Variants in CLSPN observed in about 807,000 individuals in gnomAD.
CLSPN encodes the protein claspin homolog.
CLSPN carries 85 observed loss-of-function variants against 156.3 expected under a neutral mutation model. That is an observed-to-expected ratio of 0.54 (90% CI 0.46 to 0.65). CLSPN has a LOEUF of 0.65. Ranked by LOEUF, CLSPN falls within the 30% of genes least tolerant of loss-of-function variation. CLSPN has a pLI of 0.00. For missense variants in CLSPN, 1,407 were observed against 1,554.9 expected, an observed-to-expected ratio of 0.90 and a Z score of 1.60; for synonymous variants, 534 against 542.4, an observed-to-expected ratio of 0.98 and a Z score of 0.22.
At position 35,769,928 on chromosome 1, in the gene CLSPN, G is replaced by A; in HGVS notation, c.-58C>T. 1 of 1,589,768 alleles carries A rather than the reference G, an allele frequency of 6.3e-7. No homozygotes were observed. Among genetic ancestry groups the A allele is most frequent in the East Asian group, 2.3e-5 (1 of 43,672 alleles). On this transcript the variant is annotated 5_prime_UTR_variant, in exon 1 of 25. Coordinates refer to ENST00000318121, the MANE Select transcript of CLSPN (RefSeq NM_022111.4). ...GGAGCTGTCTCTGATTCCCTCAGCC[G>A]GAGAGCAGCGGCTCCCGCCGTCTCC...
chr1:35,735,159 T>G lies in CLSPN; in HGVS notation c.*1337A>C, dbSNP rs1486506795. On this transcript the variant is annotated 3_prime_UTR_variant, in exon 25 of 25. Transcript: ENST00000318121. ...AACAACAGTGCTTCAAATTGAGAAT[T>G]CAGTCCCAGGAAGGGTCTCTCTGCC... 7 of 985,312 alleles carry G rather than the reference T, an allele frequency of 7.1e-6. No individual in the cohort carries two copies. The African/African-American group carries it at 1.2e-4, about 17-fold the overall frequency. The allele number at this position is 985,312 out of a possible 1,614,324, so 61.0% of individuals were successfully genotyped here.
chr1:35,733,910 T>C lies in CLSPN; in HGVS notation c.*2586A>G, dbSNP rs944791632. The C allele has an allele frequency of 1.4e-5, 11 of 770,274 alleles. No individual in the cohort carries two copies. The highest frequency in any genetic ancestry group is 5.7e-5 in the African/African-American group (3 of 52,770). 47.7% of individuals were successfully genotyped at this position (770,274 alleles called of 1,614,324 possible). On this transcript the variant is annotated 3_prime_UTR_variant, in exon 25 of 25. Transcript: ENST00000318121. Reference sequence around the variant, plus strand: ...GAAGGAGGATGCTGAAGCCCAGGAGTTCAAGGGTACAGTGAGCTATGATTG... The same window carrying C: ...GAAGGAGGATGCTGAAGCCCAGGAGCTCAAGGGTACAGTGAGCTATGATTG...
Position 35,760,389 on chromosome 1 carries a change from C to G in CLSPN, c.1532G>C (p.Gly511Ala), listed in dbSNP as rs750930369. 3 of 1,614,144 alleles carry G rather than the reference C, an allele frequency of 1.9e-6. No individual in the cohort carries two copies. The highest frequency in any genetic ancestry group is 2.5e-6 in the Non-Finnish European group (3 of 1,180,010). ...GVDVSIKPRLGADEDSFVILE... is the reference protein window; with the variant it reads ...GVDVSIKPRLAADEDSFVILE... Reference sequence around the variant, plus strand: ...TATCACAAAGGAATCTTCATCAGCACCTAGCCGTGGTTTAATGGAAACATC... The same window carrying G: ...TATCACAAAGGAATCTTCATCAGCAGCTAGCCGTGGTTTAATGGAAACATC... The change falls in exon 8 of 25, where the codon GGT becomes GCT. Residue 511 changes from glycine (G) to alanine (A), a missense_variant. Gly to Ala is a moderately conservative substitution (Grantham distance 60, BLOSUM62 0). Around this residue, in one of 3 missense-constraint regions of CLSPN, gnomAD observed 1,096 missense variants for 1,193.0 expected, o/e 0.92. Coordinates refer to ENST00000318121, the MANE Select transcript of CLSPN (RefSeq NM_022111.4).
Position 35,736,323 on chromosome 1 carries a change from G to C in CLSPN, c.*173C>G, listed in dbSNP as rs996261073. On this transcript the variant is annotated 3_prime_UTR_variant, in exon 25 of 25. Coordinates refer to ENST00000318121, the MANE Select transcript of CLSPN (RefSeq NM_022111.4). ...GTGGCCAATTCAGGGAATAATACTAGGAAAAGAGATGTCCAGAGCTGTGCA... is the reference window on the plus strand; with the variant it reads ...GTGGCCAATTCAGGGAATAATACTACGAAAAGAGATGTCCAGAGCTGTGCA... 2 of 1,243,582 alleles carry C rather than the reference G, an allele frequency of 1.6e-6. No individual in the cohort carries two copies. The highest frequency in any genetic ancestry group is 2.0e-6 in the Non-Finnish European group (2 of 993,078). 77.0% of individuals were successfully genotyped at this position (1,243,582 alleles called of 1,614,324 possible).
At chr1:35,737,179 T>C in intron 23 of CLSPN, 104 bp from the exon 24 acceptor site, 1 of 1,277,356 alleles carries the variant, frequency 7.8e-7, no homozygotes. Context: ...TACATATGCC[T>C]ACCCTATTCA....
Position 35,748,312 on chromosome 1 carries a change from A to G in CLSPN, c.2472+93T>C. 3 of 1,218,064 alleles carry G rather than the reference A, an allele frequency of 2.5e-6. No homozygotes were observed. The South Asian group carries it at 3.8e-5, about 15-fold the overall frequency. The allele number at this position is 1,218,064 out of a possible 1,614,324, so 75.5% of individuals were successfully genotyped here. On this transcript the variant is annotated intron_variant, in intron 13 of 24. Transcript: ENST00000318121. The stretch of plus-strand genomic sequence containing the variant: ...ACTGAACACACATAAGCTCAGTACC[A>G]ACGTGGTGGGAGTTGGTTGGCTGGG...
rs1047606249 is a variant in CLSPN at position 35,740,487 on chromosome 1, C to T, written c.3144-958G>A. 3.3e-5 allele frequency among the ~76,000 whole-genome samples: 5 copies of T among 151,676 alleles called. 1 individual carries two copies. The South Asian group carries it at 1.0e-3, about 32-fold the overall frequency. ...AGGCTGGAGTGCAGAGATGCCATCT[C>T]GGCTCACTGCAACCTCCACCTCCTG... is the stretch of plus-strand genomic sequence containing the variant. On this transcript the variant is annotated intron_variant, in intron 18 of 24. Transcript: ENST00000318121.
intron 8 of CLSPN, among the ~76,000 whole-genome samples, chr1:35,757,337 G>T (rs940069333): frequency 1.3e-5 from 2 of 152,178 alleles, no homozygotes; most frequent in African/African-American, 2.4e-5. Context: ...CTAAATAAAA[G>T]TTTATTGCAT....
At chr1:35,726,627 A>G (rs1479807315) in intron 24 of CLSPN, among the ~76,000 whole-genome samples, 1 of 152,212 alleles carries the variant, frequency 6.6e-6, no homozygotes, top group Non-Finnish European at 1.5e-5. Flanking sequence ...CCGTTAGCAG[A>G]ACAGGGAGAG....
rs754340721 is a variant in CLSPN at position 35,753,955 on chromosome 1, C to G, written c.1580-19G>C. On this transcript the variant is annotated intron_variant, in intron 8 of 24. Coordinates refer to ENST00000318121, the MANE Select transcript of CLSPN (RefSeq NM_022111.4). Reference sequence around the variant, plus strand: ...TCCAGTTCTAAACCCAAACGCCAACCAGTGTGTCAGTTTGCCATGCTCAAA... The same window carrying G: ...TCCAGTTCTAAACCCAAACGCCAACGAGTGTGTCAGTTTGCCATGCTCAAA... 11 of 1,610,816 alleles carry G rather than the reference C, an allele frequency of 6.8e-6. No individual in the cohort carries two copies. The highest frequency in any genetic ancestry group is 3.3e-5 in the South Asian group (3 of 90,938).
downstream of CLSPN, among the ~76,000 whole-genome samples, chr1:35,730,782 C>T (rs1181756584): frequency 3.3e-5 from 5 of 151,706 alleles, no homozygotes; most frequent in East Asian, 1.9e-4. Context: ...ATTGCTTGAA[C>T]GGGGGAGACA....
chr1:35,720,703 C>T (rs1456301335), exon 25 of CLSPN: 3 of 389,914 alleles, frequency 7.7e-6, no homozygotes, highest in African/African-American at 2.1e-5. Context: ...ACCTCGGCCT[C>T]CCAAAGTGCT....
At chr1:35,760,241 T>A in intron 8 of CLSPN, 101 bp downstream of exon 8, 1 of 876,438 alleles carries the variant, frequency 1.1e-6, no homozygotes, top group Non-Finnish European at 1.7e-6. Flanking sequence ...ATCAAAGTGG[T>A]TATTGGTTCC....
chr1:35,720,990 A>G, intron 24 of CLSPN: 1 of 1,587,422 alleles, frequency 6.3e-7, no homozygotes, highest in African/African-American at 1.3e-5. Context: ...TCTGAAACGA[A>G]ATTAAAGGAA....
Position 35,736,396 on chromosome 1 carries a change from G to T in CLSPN, c.*100C>A. 1 of 1,460,018 alleles carries T rather than the reference G, an allele frequency of 6.8e-7. No individual in the cohort carries two copies. The highest frequency in any genetic ancestry group is 2.4e-5 in the East Asian group (1 of 41,536). 90.4% of individuals were successfully genotyped at this position (1,460,018 alleles called of 1,614,324 possible). A position where few individuals can be genotyped will look rare whatever the true frequency, so the allele number is the denominator to read the frequency against. ...TCTGCAATCTTATTGCATTGATTAT[G>T]AAAGAAGGAAGGATCATTGGCTGGA... On this transcript the variant is annotated 3_prime_UTR_variant, in exon 25 of 25. Transcript: ENST00000318121.
chr1:35,759,461 C>G (rs949172008), intron 8 of CLSPN, among the ~76,000 whole-genome samples: 7 of 152,168 alleles, frequency 4.6e-5, no homozygotes, highest in Non-Finnish European at 1.0e-4. Context: ...ACATCATTTA[C>G]CATTTTCTCC....
chr1:35,768,019 A>G (rs1424187600), intron 1 of CLSPN, among the ~76,000 whole-genome samples: 1 of 152,178 alleles, frequency 6.6e-6, no homozygotes, highest in African/African-American at 2.4e-5. Flanking sequence ...AAAGGGAGAA[A>G]TATGAACATC....
Position 35,738,116 on chromosome 1 carries a change from AT to A in CLSPN, c.3559-20del, listed in dbSNP as rs376763747. 33,134 of 204,300 alleles carry A rather than the reference AT, an allele frequency of 0.16. 2,610 individuals carry two copies. Among genetic ancestry groups the A allele is most frequent in the Admixed American group, 0.21 (1,301 of 6,180 alleles). The allele number at this position is 204,300 out of a possible 1,614,324, so 12.7% of individuals were successfully genotyped here. On this transcript the variant is annotated intron_variant, in intron 21 of 24. Coordinates refer to ENST00000318121, the MANE Select transcript of CLSPN (RefSeq NM_022111.4). Reference sequence around the variant, plus strand: ...GCTGTGCCTGAAAAAAAAAAAAAATATATATATATATATATATATATATACA... The same window carrying A: ...GCTGTGCCTGAAAAAAAAAAAAAATAATATATATATATATATATATATACA...
Position 35,734,293 on chromosome 1 carries a change from A to G in CLSPN, c.*2203T>C. 2.0e-6 allele frequency: 2 copies of G among 985,218 alleles called. No individual in the cohort carries two copies. Among genetic ancestry groups the G allele is most frequent in the Non-Finnish European group, 2.4e-6 (2 of 829,692 alleles). 61.0% of individuals were successfully genotyped at this position (985,218 alleles called of 1,614,324 possible). ...AGATTTATTGAAAAACTACATACAT[A>G]TTAAAACATCTTTATACACATTTTC... On this transcript the variant is annotated 3_prime_UTR_variant, in exon 25 of 25. Transcript: ENST00000318121.
Sources: gnomAD v4.1 joint callset for allele counts (sites outside exome capture counted in the v4.1 genomes callset) on GRCh38, gnomAD v4.1.1 for gene constraint, gnomAD v4.1.1 regional missense constraint, MANE v1.5 for transcripts, NCBI Gene and HGNC (gene_info 2026-07-23, HGNC 2026-07-21) for gene names.